VSTM2B: variants seen among roughly 807,000 people sequenced by gnomAD.
VSTM2B encodes the protein V-set and transmembrane domain containing 2B.
Under a neutral mutation model 24.0 loss-of-function variants are expected in VSTM2B, and 24 were observed. That is an observed-to-expected ratio of 1.00 (90% confidence interval 0.72 to 1.40). The LOEUF (loss-of-function observed/expected upper bound fraction) is 1.40, where lower values mean the gene tolerates loss of function less well. Ranked by LOEUF, VSTM2B falls within the 40% of genes most tolerant of loss-of-function variation. The pLI is 0.00. For synonymous variants in VSTM2B, 226 were observed against 194.4 expected, an observed-to-expected ratio of 1.16 and a Z score of -1.35; for missense variants, 399 against 416.4, an observed-to-expected ratio of 0.96 and a Z score of 0.36.
chr19:29,528,553 C>A, intron 3 of VSTM2B, 91 bp downstream of exon 3: 1 of 1,482,376 alleles, frequency 6.7e-7, no homozygotes, highest in Non-Finnish European at 9.2e-7. Context: ...GCGGCGGCCG[C>A]GCATGTGGGG....
Position 29,526,478 on chromosome 19 carries a change from TG to T in VSTM2B, c.-104del. On this transcript the variant is annotated 5_prime_UTR_variant, in exon 1 of 5. It removes the in-frame stop codon of an upstream open reading frame in the 5' UTR. Coordinates refer to ENST00000335523, the MANE Select transcript of VSTM2B (RefSeq NM_001146339.2). The surrounding 1 kb of genome is among the most constrained non-coding windows in gnomAD (Gnocchi z 4.1). ...GGGGAGGGGGCGCCGCGCGGGGCCA[TG>T]GCAGGCTCGGAGGCGTCCTAGCCCG... 1 of 688,208 alleles carries T rather than the reference TG, an allele frequency of 1.5e-6. No individual in the cohort carries two copies. Among genetic ancestry groups the T allele is most frequent in the Non-Finnish European group, 2.0e-6 (1 of 503,450 alleles). 42.6% of individuals were successfully genotyped at this position (688,208 alleles called of 1,614,324 possible). A position where few individuals can be genotyped will look rare whatever the true frequency, so the allele number is the denominator to read the frequency against.
chr19:29,553,362 C>T (rs8108842), intron 4 of VSTM2B, among the ~76,000 whole-genome samples: 13,340 of 152,182 alleles, frequency 0.088, 1,219 homozygotes, highest in African/African-American at 0.23. Context: ...CCTACAGAAG[C>T]GGGGCCTGAC....
chr19:29,549,182 T>C (rs1184699826), intron 4 of VSTM2B, among the ~76,000 whole-genome samples: 2 of 152,228 alleles, frequency 1.3e-5, no homozygotes, highest in Non-Finnish European at 2.9e-5. Context: ...TGCACCAAAC[T>C]AGACCCTTCT....
In VSTM2B at chr19:29,554,654, G is replaced by A. The variant is rs538109508; in HGVS notation, c.770-9192G>A. ...TGATAAAGAGTCAGGACCCATTGGT[G>A]TGCTGTATTCAAGAGACCCACTTAC... On this transcript the variant is annotated intron_variant, in intron 4 of 4. Transcript: ENST00000335523. Among the ~76,000 whole-genome samples, 4 of 152,302 alleles carry A rather than the reference G, an allele frequency of 2.6e-5. No homozygotes were observed. The East Asian group carries it at 7.7e-4, about 29-fold the overall frequency.
At chr19:29,563,158 G>A (rs892564595) in intron 4 of VSTM2B, among the ~76,000 whole-genome samples, 4 of 152,108 alleles carry the variant, frequency 2.6e-5, no homozygotes, top group Non-Finnish European at 5.9e-5. Flanking sequence ...GTGTGGGATC[G>A]TGTAGCCTTC....
At chr19:29,525,825 G>A (rs1351928455), upstream of VSTM2B, 1 of 150,984 alleles carries the variant, frequency 6.6e-6, no homozygotes, top group Non-Finnish European at 1.5e-5. Context: ...CAACCAGAAA[G>A]ACGGTGGTCC....
chr19:29,528,706 G>T (rs1488571448), intron 3 of VSTM2B, among the ~76,000 whole-genome samples: 7 of 152,216 alleles, frequency 4.6e-5, no homozygotes, highest in Admixed American at 1.3e-4. Context: ...TCGGCTCGGC[G>T]CTGACCTGTA....
chr19:29,553,617 G>A (rs930299874), intron 4 of VSTM2B, among the ~76,000 whole-genome samples: 2 of 152,204 alleles, frequency 1.3e-5, no homozygotes, highest in Non-Finnish European at 2.9e-5. Flanking sequence ...TGGATGAATT[G>A]ACAGAAGTAG....
At chr19:29,550,365 TTGGC>T (rs1970250519) in intron 4 of VSTM2B, among the ~76,000 whole-genome samples, 1 of 152,166 alleles carries the variant, frequency 6.6e-6, no homozygotes, top group East Asian at 1.9e-4. Flanking sequence ...AGCCTGGGAG[TTGGC>T]TGCAGTGAGC....
Position 29,528,462 on chromosome 19 carries a change from CG to C in VSTM2B, c.297+1del, listed in dbSNP as rs767978821. 4.5e-6 allele frequency: 7 copies of C among 1,551,030 alleles called. No individual in the cohort carries two copies. Among genetic ancestry groups the C allele is most frequent in the Non-Finnish European group, 6.1e-6 (7 of 1,146,952 alleles). On this transcript the variant is annotated splice_donor_variant, in intron 3 of 4. Coordinates refer to ENST00000335523, the MANE Select transcript of VSTM2B (RefSeq NM_001146339.2). LOFTEE classifies it high-confidence loss of function. ...CAAATAAGGATGCAACTAAAATCAG[CG>C]TAAGTGTGGAGCCCAGCGCGGGCCG...
intron 3 of VSTM2B, 28 bp downstream of exon 3, chr19:29,528,490 G>A: frequency 6.4e-7 from 1 of 1,550,506 alleles, no homozygotes; most frequent in Non-Finnish European, 8.7e-7. Flanking sequence ...CGCGGGCCGC[G>A]GGAGACCCCT....
chr19:29,526,393 C>T lies in VSTM2B; in HGVS notation c.-191C>T, dbSNP rs1969565144. 1 of 206,056 alleles carries T rather than the reference C, an allele frequency of 4.9e-6. No homozygotes were observed. Among genetic ancestry groups the T allele is most frequent in the African/African-American group, 2.4e-5 (1 of 42,450 alleles). 12.8% of individuals were successfully genotyped at this position (206,056 alleles called of 1,614,324 possible). Reference sequence around the variant, plus strand: ...GCACACCCCGCGCAGCGCCCCCCGCCGGAGCCGCACCGGGCAAGCCGGCGA... The same window carrying T: ...GCACACCCCGCGCAGCGCCCCCCGCTGGAGCCGCACCGGGCAAGCCGGCGA... On this transcript the variant is annotated 5_prime_UTR_variant, in exon 1 of 5. Transcript: ENST00000335523. This position sits in a 1 kb window ranked among gnomAD's most constrained non-coding sequence, Gnocchi z 4.1.
In VSTM2B at chr19:29,559,192, G is replaced by A. The variant is rs148401019; in HGVS notation, c.770-4654G>A. On this transcript the variant is annotated intron_variant, in intron 4 of 4. Transcript: ENST00000335523. ...GTTTATTGCAGCACTGTTCACAATA[G>A]CAAAGACTTGGAACCAACCCAAATC... 6.8e-3 allele frequency among the ~76,000 whole-genome samples: 1,035 copies of A among 152,274 alleles called. 8 individuals are homozygous for A. The highest frequency in any genetic ancestry group is 0.02 in the Middle Eastern group (6 of 294).
intron 4 of VSTM2B, among the ~76,000 whole-genome samples, chr19:29,545,896 G>A (rs867996598): frequency 2.6e-5 from 4 of 152,094 alleles, no homozygotes; most frequent in African/African-American, 4.8e-5. Flanking sequence ...AAAGAAAAAC[G>A]GCACTCTGGG....
intron 4 of VSTM2B, among the ~76,000 whole-genome samples, chr19:29,556,144 A>T (rs1371494902): frequency 6.7e-6 from 1 of 149,394 alleles, no homozygotes; most frequent in Non-Finnish European, 1.5e-5. Context: ...ATCCCTGATG[A>T]ACATCGATGC....
intron 4 of VSTM2B, among the ~76,000 whole-genome samples, chr19:29,547,954 G>A (rs1970189113): frequency 6.6e-6 from 1 of 152,120 alleles, no homozygotes; most frequent in African/African-American, 2.4e-5. Context: ...TTCTCCTGTG[G>A]GCAGAGGGCA....
In VSTM2B at chr19:29,564,066, A is replaced by G. The variant is rs1472333956; in HGVS notation, c.*132A>G. On this transcript the variant is annotated 3_prime_UTR_variant, in exon 5 of 5. Transcript: ENST00000335523. ...AAAAGTCCACATGGAAAATAAATAAATCATATTTTTGGGAAAGTTACACAA... is the reference window on the plus strand; with the variant it reads ...AAAAGTCCACATGGAAAATAAATAAGTCATATTTTTGGGAAAGTTACACAA... 11 of 686,212 alleles carry G rather than the reference A, an allele frequency of 1.6e-5. No individual in the cohort carries two copies. In the African/African-American group the frequency reaches 2.0e-4, roughly 12 times the overall value. The allele number at this position is 686,212 out of a possible 1,614,324, so 42.5% of individuals were successfully genotyped here.
At chr19:29,532,827 A>C (rs536394722) in intron 4 of VSTM2B, among the ~76,000 whole-genome samples, 46 of 152,346 alleles carry the variant, frequency 3.0e-4, no homozygotes, top group African/African-American at 1.0e-3. Context: ...GAGGGCCTTG[A>C]ATGCCAAGTG....
chr19:29,538,053 C>A (rs1969934124), intron 4 of VSTM2B, among the ~76,000 whole-genome samples: 1 of 152,198 alleles, frequency 6.6e-6, no homozygotes, highest in Admixed American at 6.5e-5. Flanking sequence ...GTTCAGCATG[C>A]TGGCTCACAG....
Sources: allele counts gnomAD v4.1 joint callset (sites outside exome capture counted in the v4.1 genomes callset), GRCh38; gene constraint gnomAD v4.1.1; non-coding constraint Gnocchi (gnomAD v3.1); transcripts MANE v1.5; gene names NCBI Gene and HGNC (gene_info 2026-07-23, HGNC 2026-07-21).